Variants in KNL1 observed in about 807,000 individuals in gnomAD.
KNL1 encodes the protein outer kinetochore KNL1 complex subunit KNL1.
Under a neutral mutation model 201.3 loss-of-function variants are expected in KNL1, and 66 were observed. The ratio of observed to expected loss-of-function variants is 0.33; its 90% CI spans 0.27 to 0.40. The LOEUF is 0.40. KNL1 is among the 10% of genes least tolerant of loss of function. The probability of loss-of-function intolerance (pLI) is 1.00; values close to 1 mark genes in which losing one functional copy is unlikely to be tolerated. For synonymous variants in KNL1, 895 were observed against 899.2 expected (o/e 1.00, Z 0.08); for missense variants, 2,815 against 2,690.5 (o/e 1.05, Z -1.02).
In KNL1 at chr15:40,621,646, A is replaced by C. The variant is rs770993821; in HGVS notation, c.1382A>C (p.Lys461Thr). 1.4e-5 allele frequency: 22 copies of C among 1,612,844 alleles called. No individual in the cohort carries two copies. In the South Asian group the frequency reaches 2.1e-4, roughly 15 times the overall value. The change falls in exon 10 of 26, where the codon AAA becomes ACA. Residue 461 changes from lysine to threonine, a missense_variant. By Grantham distance (78) the Lys-to-Thr change is moderately conservative. Coordinates refer to ENST00000399668, the MANE Select transcript of KNL1 (RefSeq NM_144508.5). ...NLLKHDSNYA[K>T]MYCNPDAMSS... ...CTAAAGCATGACAGTAATTATGCTAAAATGTATTGCAATCCAGATGCTATG... is the reference window on the plus strand; with the variant it reads ...CTAAAGCATGACAGTAATTATGCTACAATGTATTGCAATCCAGATGCTATG...
chr15:40,651,619 G>A (rs1344731037), intron 20 of KNL1, 47 bp downstream of exon 20: 4 of 1,372,780 alleles, frequency 2.9e-6, no homozygotes, highest in South Asian at 1.3e-5. Context: ...TCTGTACCTT[G>A]TGGTTGTTTA....
At chr15:40,605,016 C>T in intron 2 of KNL1, 94 bp from the exon 3 acceptor site, 1 of 674,470 alleles carries the variant, frequency 1.5e-6, no homozygotes, top group Non-Finnish European at 2.7e-6. Context: ...AAGTGATGAC[C>T]AGTTTGAAAG....
intron 25 of KNL1, among the ~76,000 whole-genome samples, chr15:40,661,081 G>A (rs1893894226): frequency 6.6e-6 from 1 of 151,748 alleles, no homozygotes; most frequent in South Asian, 2.1e-4. Flanking sequence ...AGTTAAAAAT[G>A]TGCTCACCTA....
At chr15:40,635,137 C>T (rs949392639) in intron 13 of KNL1, among the ~76,000 whole-genome samples, 5 of 151,680 alleles carry the variant, frequency 3.3e-5, no homozygotes, top group Non-Finnish European at 7.4e-5. Context: ...CAACCTCCAC[C>T]TCCTGGGTTC....
chr15:40,654,869 TA>T, intron 21 of KNL1, 39 bp from the exon 22 acceptor site: 3 of 1,522,322 alleles, frequency 2.0e-6, no homozygotes, highest in African/African-American at 1.4e-5. Flanking sequence ...ACTCTCTGTC[TA>T]AAAAAATTTT....
At chr15:40,645,377 G>A (rs554616772) in intron 15 of KNL1, among the ~76,000 whole-genome samples, 197 of 152,236 alleles carry the variant, frequency 1.3e-3, no homozygotes, top group African/African-American at 4.6e-3. Flanking sequence ...TACTTTAATT[G>A]ATTAAATAGC....
intron 1 of KNL1, among the ~76,000 whole-genome samples, chr15:40,599,399 C>A (rs563250455): frequency 6.7e-6 from 1 of 150,190 alleles, no homozygotes; most frequent in Non-Finnish European, 1.5e-5. Flanking sequence ...TCCCCCACCC[C>A]CCGAGACAGG....
intron 9 of KNL1, 107 bp downstream of exon 9, chr15:40,619,118 A>G: frequency 1.2e-6 from 1 of 808,356 alleles, no homozygotes; most frequent in East Asian, 2.5e-5. Flanking sequence ...TAAAAAAATG[A>G]ATCAGCATAA....
intron 13 of KNL1, among the ~76,000 whole-genome samples, chr15:40,637,599 A>G (rs1204873915): frequency 6.6e-6 from 1 of 152,124 alleles, no homozygotes; most frequent in East Asian, 1.9e-4. Flanking sequence ...ACCTCATGTA[A>G]TGGGTTGCTG....
At chr15:40,647,912 C>G (rs571680350) in intron 17 of KNL1, among the ~76,000 whole-genome samples, 3 of 152,216 alleles carry the variant, frequency 2.0e-5, no homozygotes, top group East Asian at 1.9e-4. Flanking sequence ...CTAACTGATC[C>G]CTTGTGGGGA....
chr15:40,612,573 A>G (rs923691243), intron 7 of KNL1, among the ~76,000 whole-genome samples: 7 of 150,878 alleles, frequency 4.6e-5, no homozygotes, highest in African/African-American at 1.5e-4. Context: ...CTGGAGTGCA[A>G]TGGTACGATC....
At chr15:40,647,262 G>A (rs1893418447) in intron 17 of KNL1, among the ~76,000 whole-genome samples, 188 bp downstream of exon 17, 1 of 152,044 alleles carries the variant, frequency 6.6e-6, no homozygotes, top group African/African-American at 2.4e-5. Context: ...ATCACCTGAG[G>A]TCAGGAGTTT....
intron 13 of KNL1, among the ~76,000 whole-genome samples, chr15:40,634,248 A>G (rs1322529664): frequency 6.6e-6 from 1 of 152,196 alleles, no homozygotes; most frequent in Non-Finnish European, 1.5e-5. Context: ...CTGGGATTAC[A>G]GGCACATGCC....
intron 13 of KNL1, among the ~76,000 whole-genome samples, chr15:40,634,668 A>G (rs1364481470): frequency 1.3e-5 from 2 of 152,130 alleles, no homozygotes; most frequent in Admixed American, 1.3e-4. Flanking sequence ...TTAGGTGTGC[A>G]TCCAGGGGCT....
In KNL1 at chr15:40,623,430, G is replaced by C. The variant is rs1411882197; in HGVS notation, c.3166G>C (p.Glu1056Gln). 1.9e-6 allele frequency: 3 copies of C among 1,613,174 alleles called. No individual in the cohort carries two copies. The African/African-American group carries it at 4.0e-5, about 22-fold the overall frequency. The stretch of plus-strand genomic sequence containing the variant: ...TGTACAAAGTCCTGGATTTCTGAAT[G>C]AACCTCTATCAAGCAAAAGTCAGAG... ...KDVQSPGFLNEPLSSKSQRRK... is the reference protein window; with the variant it reads ...KDVQSPGFLNQPLSSKSQRRK... Residue 1056 changes from glutamate to glutamine, a missense_variant, in exon 10 of 26, where the codon GAA becomes CAA. Physicochemically the swap from Glu to Gln is conservative, Grantham distance 29. Around this residue, in one of 3 missense-constraint regions of KNL1, gnomAD observed 2,464 missense variants for 2,291.7 expected, o/e 1.08. Coordinates refer to ENST00000399668, the MANE Select transcript of KNL1 (RefSeq NM_144508.5).
chr15:40,613,408 T>G (rs1450810232), intron 7 of KNL1, among the ~76,000 whole-genome samples: 1 of 152,120 alleles, frequency 6.6e-6, no homozygotes, highest in African/African-American at 2.4e-5. Context: ...GGCTTTGTGG[T>G]TTATTAATTT....
At chr15:40,627,982 A>T in intron 10 of KNL1, 88 bp from the exon 11 acceptor site, 1 of 818,192 alleles carries the variant, frequency 1.2e-6, no homozygotes, top group Non-Finnish European at 1.8e-6. Context: ...GATTAATTGT[A>T]TGTTAGAAGT....
intron 5 of KNL1, among the ~76,000 whole-genome samples, 158 bp downstream of exon 5, chr15:40,609,066 T>G (rs748641398): frequency 7.2e-5 from 11 of 152,238 alleles, no homozygotes; most frequent in Admixed American, 2.6e-4. Context: ...AAACAAAGCA[T>G]TCCCTCTAAA....
intron 25 of KNL1, among the ~76,000 whole-genome samples, chr15:40,660,378 C>CA (rs1003310635): frequency 3.3e-5 from 5 of 151,916 alleles, no homozygotes; most frequent in Non-Finnish European, 7.4e-5. Context: ...GCCTTAAAAA[C>CA]AGAGTCAGCC....
Sources: gnomAD v4.1 joint callset for allele counts (sites outside exome capture counted in the v4.1 genomes callset) on GRCh38, gnomAD v4.1.1 for gene constraint, gnomAD v4.1.1 regional missense constraint, MANE v1.5 for transcripts, NCBI Gene and HGNC (gene_info 2026-07-23, HGNC 2026-07-21) for gene names.